Variants in MAP4K5 observed in about 807,000 individuals in gnomAD.
The protein encoded by MAP4K5 is mitogen-activated protein kinase kinase kinase kinase 5.
A neutral mutation model predicts 135.6 loss-of-function variants in MAP4K5; 82 were observed. The ratio of observed to expected loss-of-function variants is 0.60; its 90% confidence interval spans 0.51 to 0.73. The LOEUF is 0.73. MAP4K5 is among the 30% of genes least tolerant of loss of function. The pLI is 0.00. For missense variants in MAP4K5, 907 were observed against 1,010.9 expected (o/e 0.90, Z 1.39); for synonymous variants, 347 against 335.0 (o/e 1.04, Z -0.39).
At chr14:50,503,962 C>A (rs2037758608) in intron 3 of MAP4K5, among the ~76,000 whole-genome samples, 1 of 151,756 alleles carries the variant, frequency 6.6e-6, no homozygotes, top group African/African-American at 2.4e-5. Flanking sequence ...ATAAGAGGAT[C>A]CTGAAAGAGT....
At chr14:50,536,333 G>A (rs2038491888), upstream of MAP4K5, among the ~76,000 whole-genome samples, 1 of 151,888 alleles carries the variant, frequency 6.6e-6, no homozygotes, top group Admixed American at 6.6e-5. Context: ...CTACTTGGGA[G>A]GCTGAGGCAG....
chr14:50,478,945 T>C (rs2139891276), intron 6 of MAP4K5, among the ~76,000 whole-genome samples: 1 of 152,270 alleles, frequency 6.6e-6, no homozygotes, highest in African/African-American at 2.4e-5. Context: ...TTCTGAATGC[T>C]TCTAAGATGT....
In MAP4K5 at chr14:50,437,497, CT is replaced by C; in HGVS notation, c.1860del (p.Gly621AlafsTer7). On this transcript the variant is annotated frameshift_variant, in exon 26 of 33. Transcript: ENST00000682126. LOFTEE classifies it high-confidence loss of function. ...TCACCTATGCAACATTTGTGGCAGC[CT>C]TTTGTATCAGGAATCTTTGTTGTTA... is the stretch of plus-strand genomic sequence containing the variant. Reference protein sequence around the residue: ...FALTTKIPDTKGCHKCCIVRN... With the variant: ...FALTTKIPDTXGCHKCCIVRN... The C allele has an allele frequency of 6.2e-7, 1 of 1,604,166 alleles. No individual in the cohort carries two copies. Among genetic ancestry groups the C allele is most frequent in the African/African-American group, 1.3e-5 (1 of 74,602 alleles).
At chr14:50,473,983 C>G (rs1286538433) in intron 9 of MAP4K5, among the ~76,000 whole-genome samples, 1 of 152,128 alleles carries the variant, frequency 6.6e-6, no homozygotes, top group African/African-American at 2.4e-5. Flanking sequence ...CTCAGCCTCT[C>G]AAAGTGCTGG....
chr14:50,547,625 AG>A (rs2038650704), intron 1 of MAP4K5, among the ~76,000 whole-genome samples: 1 of 152,210 alleles, frequency 6.6e-6, no homozygotes, highest in African/African-American at 2.4e-5. Context: ...CCCCTATAAC[AG>A]CCCTGTGTGG....
intron 28 of MAP4K5, among the ~76,000 whole-genome samples, chr14:50,430,548 A>G (rs1294141284): frequency 6.6e-6 from 1 of 152,202 alleles, no homozygotes; most frequent in African/African-American, 2.4e-5. Context: ...TACCTTTTGA[A>G]GTTACCTCAA....
In MAP4K5 at chr14:50,504,803, G is replaced by C. The variant is rs200944918; in HGVS notation, c.163C>G (p.Pro55Ala). Residue 55 changes from proline (P) to alanine (A), a missense_variant, in exon 3 of 33, where the codon CCT (proline) becomes GCT (alanine). Pro to Ala is a conservative substitution (Grantham distance 27, BLOSUM62 -1). Around this residue, in one of 3 missense-constraint regions of MAP4K5, gnomAD observed 196 missense variants for 189.3 expected, o/e 1.04. Transcript: ENST00000682126. ...TCTTGAGGGTTTTAACACATACCAG[G>C]CTCCAATTTAATGATTTTTACTGCA... ...LAAVKIIKLE[P>A]GDDFSLIQQE... 78 of 1,553,676 alleles carry C rather than the reference G, an allele frequency of 5.0e-5. 1 individual carries two copies. In the African/African-American group the frequency reaches 8.9e-4, roughly 18 times the overall value.
At chr14:50,548,944 C>A (rs991845552) in intron 1 of MAP4K5, among the ~76,000 whole-genome samples, 1 of 152,142 alleles carries the variant, frequency 6.6e-6, no homozygotes, top group Non-Finnish European at 1.5e-5. Flanking sequence ...AACTGCCTAC[C>A]CCATAAAAGG....
intron 2 of MAP4K5, among the ~76,000 whole-genome samples, chr14:50,514,603 C>A (rs191431794): frequency 5.3e-5 from 8 of 152,138 alleles, no homozygotes; most frequent in Non-Finnish European, 1.2e-4. Flanking sequence ...GGATTCTGAG[C>A]CCAGTCAAAC....
intron 32 of MAP4K5, 94 bp from the exon 33 acceptor site, chr14:50,420,200 A>G: frequency 4.0e-6 from 3 of 751,792 alleles, no homozygotes. Flanking sequence ...CATTGTTCAC[A>G]TTTCAGTAAG....
At chr14:50,471,980 C>T (rs775276653) in intron 9 of MAP4K5, 1 of 152,388 alleles carries the variant, frequency 6.6e-6, no homozygotes, top group Non-Finnish European at 1.5e-5. Context: ...TGGAGAGAAA[C>T]CCTACGAACG....
intron 2 of MAP4K5, 42 bp downstream of exon 2, chr14:50,531,900 C>T (rs2038398679): frequency 7.3e-7 from 1 of 1,361,844 alleles, no homozygotes; most frequent in Non-Finnish European, 1.0e-6. Flanking sequence ...ATTCCCGGGA[C>T]CCAGTCGACC....
At chr14:50,452,422 C>T (rs1397947237) in intron 14 of MAP4K5, among the ~76,000 whole-genome samples, 5 of 152,152 alleles carry the variant, frequency 3.3e-5, no homozygotes, top group Non-Finnish European at 7.4e-5. Flanking sequence ...GGCAGTTCCC[C>T]TGGAGCTCAT....
chr14:50,504,860 AAAAAT>A lies in MAP4K5; in HGVS notation c.109-8_109-4del. 3 of 1,529,824 alleles carry A rather than the reference AAAAAT, an allele frequency of 2.0e-6. No individual in the cohort carries two copies. Among genetic ancestry groups the A allele is most frequent in the Non-Finnish European group, 8.8e-7 (1 of 1,139,990 alleles). The allele number at this position is 1,529,824 out of a possible 1,614,324, so 94.8% of individuals were successfully genotyped here. ...TCTCCTGTGTGTACATTTCTGGCCT[AAAAAT>A]AAAATAAAAACAAAAATCTTGTTAA... On this transcript the variant is annotated splice_region_variant and splice_polypyrimidine_tract_variant and intron_variant, in intron 2 of 32. Coordinates refer to ENST00000682126, the MANE Select transcript of MAP4K5 (RefSeq NM_006575.6).
At chr14:50,528,046 C>CT (rs2038305639) in intron 2 of MAP4K5, among the ~76,000 whole-genome samples, 1 of 151,792 alleles carries the variant, frequency 6.6e-6, no homozygotes, top group Non-Finnish European at 1.5e-5. Context: ...TTTATCCTTC[C>CT]TGCTGGCAGA....
At chr14:50,496,563 C>T (rs1433219216) in intron 3 of MAP4K5, among the ~76,000 whole-genome samples, 2 of 151,808 alleles carry the variant, frequency 1.3e-5, no homozygotes, top group African/African-American at 4.8e-5. Context: ...TGGTGCAACG[C>T]AGTGATGTGA....
chr14:50,437,766 T>C (rs1784615558), intron 25 of MAP4K5, 128 bp downstream of exon 25: 2 of 694,992 alleles, frequency 2.9e-6, no homozygotes, highest in East Asian at 2.7e-5. Context: ...TTTCCAGATA[T>C]AATACACTTT....
intron 14 of MAP4K5, among the ~76,000 whole-genome samples, chr14:50,453,893 C>T (rs746379904): frequency 2.6e-5 from 4 of 152,132 alleles, no homozygotes; most frequent in Non-Finnish European, 5.9e-5. Flanking sequence ...GTAAACCTGA[C>T]TTTGTTGGAC....
At chr14:50,532,308 C>T (rs762049002) in intron 1 of MAP4K5, 140 bp downstream of exon 1, 55 of 422,440 alleles carry the variant, frequency 1.3e-4, no homozygotes, top group Non-Finnish European at 2.1e-4. Context: ...CCCGTATCCC[C>T]GTTCGGTCTG....
Sources: allele counts gnomAD v4.1 joint callset (sites outside exome capture counted in the v4.1 genomes callset), GRCh38; gene constraint gnomAD v4.1.1; regional missense constraint gnomAD v4.1.1; transcripts MANE v1.5; gene names NCBI Gene and HGNC (gene_info 2026-07-23, HGNC 2026-07-21).